The following DUXA variants were observed in gnomAD, a reference collection of about 807,000 sequenced individuals.
DUXA encodes the protein double homeobox A, also known as double homeobox protein A.
Under a neutral mutation model 27.5 loss-of-function variants are expected in DUXA, and 25 were observed. The ratio of observed to expected loss-of-function variants is 0.91; its 90% CI spans 0.66 to 1.27. The LOEUF is 1.27. DUXA is among the 50% of genes most tolerant of loss of function. The pLI is 0.00. For synonymous variants in DUXA, 90 were observed against 80.5 expected, an observed-to-expected ratio of 1.12 and a Z score of -0.63; for missense variants, 247 against 242.9, an observed-to-expected ratio of 1.02 and a Z score of -0.11.
At chr19:57,163,688 C>G (rs2087036278) in intron 1 of DUXA, among the ~76,000 whole-genome samples, 1 of 152,054 alleles carries the variant, frequency 6.6e-6, no homozygotes, top group Non-Finnish European at 1.5e-5. Flanking sequence ...CTCAGCCTCC[C>G]AAAGTGCTGG....
chr19:57,160,034 G>A (rs1374866406), intron 2 of DUXA, among the ~76,000 whole-genome samples: 1 of 152,160 alleles, frequency 6.6e-6, no homozygotes, highest in African/African-American at 2.4e-5. Context: ...GAACTTGGGA[G>A]GCGGGGGTTT....
intron 1 of DUXA, among the ~76,000 whole-genome samples, chr19:57,165,324 A>AATATATATAT (rs74179420): frequency 2.2e-5 from 2 of 89,262 alleles, no homozygotes; most frequent in African/African-American, 4.1e-5. Context: ...AAAAAAAAAA[A>AATATATATAT]ATATATATAT....
chr19:57,164,406 T>C (rs2087040385), intron 1 of DUXA, among the ~76,000 whole-genome samples: 1 of 151,980 alleles, frequency 6.6e-6, no homozygotes, highest in Non-Finnish European at 1.5e-5. Context: ...AGAAACCCCG[T>C]CTCTACTAAA....
At position 57,159,263 on chromosome 19, in the gene DUXA, G is replaced by A. The variant is rs746997215; in HGVS notation, c.196C>T (p.Arg66Ter). The change falls in exon 3 of 6, where the codon CGA (arginine) becomes TGA (stop). Residue 66 changes from arginine (R) to a stop codon, truncating the protein, a stop_gained. Transcript: ENST00000554048. LOFTEE classifies it high-confidence loss of function. ...TTCTGGAATCCGTGCCTAGCTCTTC[G>A]ATTCTGAAACCAAATCTAAGTGAGG... ...ESRIQIWFQN[R>*]RARHGFQKRP... is the part of the protein sequence containing the mutation. 13 of 1,613,648 alleles carry A rather than the reference G, an allele frequency of 8.1e-6. No individual in the cohort carries two copies. Among genetic ancestry groups the A allele is most frequent in the South Asian group, 1.1e-5 (1 of 91,030 alleles).
chr19:57,155,683 T>A (rs2086990189), intron 4 of DUXA, among the ~76,000 whole-genome samples: 1 of 19,092 alleles, frequency 5.2e-5, no homozygotes, highest in Non-Finnish European at 9.1e-5. Flanking sequence ...ATACTTTTTT[T>A]TTTAATACGG....
chr19:57,164,915 G>A (rs1434541643), intron 1 of DUXA, among the ~76,000 whole-genome samples: 2 of 152,176 alleles, frequency 1.3e-5, no homozygotes, highest in African/African-American at 4.8e-5. Context: ...CTGAAAGTAT[G>A]AGGGTAACCA....
intron 1 of DUXA, among the ~76,000 whole-genome samples, chr19:57,165,720 G>A (rs901683236): frequency 6.8e-6 from 1 of 147,758 alleles, no homozygotes. Context: ...CAGGAGAATG[G>A]CATGAACCCG....
At chr19:57,166,611 A>ATAATT in intron 1 of DUXA, among the ~76,000 whole-genome samples, 1 of 152,322 alleles carries the variant, frequency 6.6e-6, no homozygotes, top group East Asian at 1.9e-4. Context: ...CCCGGCCGCC[A>ATAATT]TAATTTAATT....
Position 57,160,627 on chromosome 19 carries a change from T to G in DUXA, c.180+16A>C. 6.2e-7 allele frequency: 1 copy of G among 1,611,434 alleles called. No homozygotes were observed. Among genetic ancestry groups the G allele is most frequent in the Non-Finnish European group, 8.5e-7 (1 of 1,179,718 alleles). On this transcript the variant is annotated intron_variant, in intron 2 of 5. Coordinates refer to ENST00000554048, the MANE Select transcript of DUXA (RefSeq NM_001012729.2). ...CTTTTTACTTCCAGTCCTGGAGATA[T>G]TGAACTTTAACTTACCTGGATTCTG... is the stretch of plus-strand genomic sequence containing the variant.
intron 1 of DUXA, among the ~76,000 whole-genome samples, chr19:57,165,323 AAAT>A (rs144554539): frequency 0.13 from 11,921 of 89,372 alleles, 538 homozygotes; most frequent in Non-Finnish European, 0.19. Context: ...AAAAAAAAAA[AAAT>A]ATATATATAT....
chr19:57,160,198 C>T (rs1343293898), intron 2 of DUXA, among the ~76,000 whole-genome samples: 2 of 152,082 alleles, frequency 1.3e-5, no homozygotes, highest in African/African-American at 4.8e-5. Context: ...GATTTCAAGG[C>T]TTCGGTGAGC....
rs1178495095 is a variant in DUXA at position 57,158,203 on chromosome 19, G to A, written c.438+125C>T. On this transcript the variant is annotated intron_variant, in intron 4 of 5. Transcript: ENST00000554048. ...CCTGGGGGTAGAAGCCAGCAGACAGGGAACAGCTGTGAAAGACCCTGAAAT... is the reference window on the plus strand; with the variant it reads ...CCTGGGGGTAGAAGCCAGCAGACAGAGAACAGCTGTGAAAGACCCTGAAAT... 1.1e-5 allele frequency: 12 copies of A among 1,104,214 alleles called. No homozygotes were observed. In the East Asian group the frequency reaches 2.1e-4, roughly 20 times the overall value. 68.4% of individuals were successfully genotyped at this position (1,104,214 alleles called of 1,614,324 possible).
intron 2 of DUXA, among the ~76,000 whole-genome samples, chr19:57,159,814 A>T (rs540631608): frequency 2.0e-5 from 3 of 151,714 alleles, no homozygotes; most frequent in African/African-American, 7.2e-5. Context: ...AAAAAAAAAA[A>T]TTAGCCGGCC....
rs564812746 is a variant in DUXA at position 57,167,438 on chromosome 19, G to C, written c.6C>G (p.Ala2=). The change falls in exon 1 of 6, where the codon GCC becomes GCG. Residue 2 remains alanine, a synonymous_variant. Transcript: ENST00000554048. ...ACTTACTGTGTGAATAGGTGTCTTCGGCCATGCTGGAAGAGAGTCCTGAAG... is the reference window on the plus strand; with the variant it reads ...ACTTACTGTGTGAATAGGTGTCTTCCGCCATGCTGGAAGAGAGTCCTGAAG... The part of the protein sequence containing the change: M[A]EDTYSHKMVK... 4.3e-6 allele frequency: 7 copies of C among 1,613,602 alleles called. No homozygotes were observed. Among genetic ancestry groups the C allele is most frequent in the Admixed American group, 1.7e-5 (1 of 59,886 alleles).
chr19:57,167,278 C>G (rs2087059479), intron 1 of DUXA, 141 bp downstream of exon 1: 1 of 1,021,684 alleles, frequency 9.8e-7, no homozygotes. Flanking sequence ...AATATCACAT[C>G]AGAGAAACCG....
At chr19:57,166,598 G>A (rs1203930404) in intron 1 of DUXA, among the ~76,000 whole-genome samples, 1 of 152,192 alleles carries the variant, frequency 6.6e-6, no homozygotes, top group African/African-American at 2.4e-5. Flanking sequence ...GTGAGCCACG[G>A]CGCCCGGCCG....
intron 4 of DUXA, among the ~76,000 whole-genome samples, chr19:57,155,872 T>A (rs77427410): frequency 2.0e-5 from 3 of 152,050 alleles, no homozygotes; most frequent in Non-Finnish European, 4.4e-5. Flanking sequence ...TTTCACCATA[T>A]TGGCCAGGCT....
At chr19:57,165,178 C>G (rs951734439) in intron 1 of DUXA, among the ~76,000 whole-genome samples, 1 of 151,556 alleles carries the variant, frequency 6.6e-6, no homozygotes, top group Non-Finnish European at 1.5e-5. Flanking sequence ...TTCAAAAGAC[C>G]ACTTCATAAG....
At position 57,167,475 on chromosome 19, in the gene DUXA, G is replaced by C; in HGVS notation, c.-32C>G. ...AGAGAGTCCTGAAGGCTGAGCCACTGTCTGGGAGACAAGTCACTCTGCGCA... is the reference window on the plus strand; with the variant it reads ...AGAGAGTCCTGAAGGCTGAGCCACTCTCTGGGAGACAAGTCACTCTGCGCA... On this transcript the variant is annotated 5_prime_UTR_variant, in exon 1 of 6. Transcript: ENST00000554048. 6.2e-7 allele frequency: 1 copy of C among 1,610,512 alleles called. No individual in the cohort carries two copies. Among genetic ancestry groups the C allele is most frequent in the Non-Finnish European group, 8.5e-7 (1 of 1,178,984 alleles).
Sources: allele counts gnomAD v4.1 joint callset (sites outside exome capture counted in the v4.1 genomes callset), GRCh38; gene constraint gnomAD v4.1.1; transcripts MANE v1.5; gene names NCBI Gene and HGNC (gene_info 2026-07-23, HGNC 2026-07-21).